Variants in SFXN5 observed in about 807,000 individuals in gnomAD.
SFXN5 encodes the protein sideroflexin-5.
Under a neutral mutation model 50.2 loss-of-function variants are expected in SFXN5, and 43 were observed. That is an observed-to-expected ratio of 0.86 (90% CI 0.67 to 1.11). The LOEUF (loss-of-function observed/expected upper bound fraction) is 1.11, where lower values mean the gene tolerates loss of function less well. SFXN5 is among the 50% of genes least tolerant of loss of function. The probability of loss-of-function intolerance (pLI) is 0.00; values close to 1 mark genes in which losing one functional copy is unlikely to be tolerated. For missense variants in SFXN5, 463 were observed against 454.1 expected (o/e 1.02, Z -0.18); for synonymous variants, 203 against 185.8 (o/e 1.09, Z -0.75).
At chr2:73,013,569 C>G (rs975661128) in intron 6 of SFXN5, among the ~76,000 whole-genome samples, 1 of 151,712 alleles carries the variant, frequency 6.6e-6, no homozygotes, top group Non-Finnish European at 1.5e-5. Context: ...CACATACACA[C>G]AATTATGGTG....
At chr2:73,067,423 G>A (rs923716430) in intron 1 of SFXN5, among the ~76,000 whole-genome samples, 21 of 152,166 alleles carry the variant, frequency 1.4e-4, no homozygotes, top group Non-Finnish European at 1.8e-4. Flanking sequence ...AGTCTGGAGT[G>A]TAGTTAACGA....
chr2:73,015,398 T>C (rs1490369753), intron 6 of SFXN5, among the ~76,000 whole-genome samples: 1 of 152,248 alleles, frequency 6.6e-6, no homozygotes, highest in Non-Finnish European at 1.5e-5. Flanking sequence ...TATTGGCTTA[T>C]ACTTTTTCTT....
At chr2:73,004,543 G>A (rs950205701) in intron 6 of SFXN5, among the ~76,000 whole-genome samples, 63 of 152,320 alleles carry the variant, frequency 4.1e-4, no homozygotes, top group African/African-American at 1.4e-3. Context: ...AACGAAGGCG[G>A]AGGTAGGAGT....
intron 2 of SFXN5, among the ~76,000 whole-genome samples, chr2:73,050,420 A>ACACACACACACACACCCACACACACC (rs1553523879): frequency 7.1e-6 from 1 of 140,676 alleles, no homozygotes; most frequent in African/African-American, 2.5e-5. Context: ...ACACACACAC[A>ACACACACACACACACCCACACACACC]CCCCTGCAGA....
intron 3 of SFXN5, among the ~76,000 whole-genome samples, chr2:73,039,699 A>G (rs1316107252): frequency 6.6e-6 from 1 of 152,210 alleles, no homozygotes; most frequent in Non-Finnish European, 1.5e-5. Context: ...CAGAACAGCA[A>G]AAAGTAGTTG....
At chr2:73,028,747 T>C (rs1677916622) in intron 3 of SFXN5, among the ~76,000 whole-genome samples, 1 of 152,166 alleles carries the variant, frequency 6.6e-6, no homozygotes, top group Admixed American at 6.5e-5. Context: ...TCAGTGAGCC[T>C]ACACATGCAT....
chr2:73,050,388 G>GCGCGCGCGCGCACACACACA, intron 2 of SFXN5, among the ~76,000 whole-genome samples: 1 of 143,808 alleles, frequency 7.0e-6, no homozygotes, highest in African/African-American at 2.8e-5. Context: ...CAGCCACAGC[G>GCGCGCGCGCGCACACACACA]CACGCACACA....
intron 11 of SFXN5, 73 bp downstream of exon 11, chr2:72,971,497 G>T: frequency 9.6e-7 from 1 of 1,042,602 alleles, no homozygotes; most frequent in Non-Finnish European, 1.5e-6. Context: ...GCCTGTGGAA[G>T]ACACACGCTA....
chr2:72,986,184 A>C (rs1056555664), intron 10 of SFXN5, among the ~76,000 whole-genome samples: 2 of 152,226 alleles, frequency 1.3e-5, no homozygotes, highest in Non-Finnish European at 2.9e-5. Flanking sequence ...AAGTTCATTA[A>C]AAGTGTGGAG....
rs1682456207 is a variant in SFXN5, at chr2:73,058,685, GGGTCCCCCGGTCCCCA to G, written c.103-105_103-90del. On this transcript the variant is annotated intron_variant, in intron 1 of 13. Transcript: ENST00000272433. ...TGGAGAGCCCCACCCTTTATGATTG[GGGTCCCCCGGTCCCCA>G]GGACTCCTCGTGTGGGTGATAAATG... is the stretch of plus-strand genomic sequence containing the variant. The G allele has an allele frequency of 3.2e-6, 4 of 1,254,068 alleles. No homozygotes were observed. In the Admixed American group the frequency reaches 7.1e-5, roughly 22 times the overall value. The allele number at this position is 1,254,068 out of a possible 1,614,324, so 77.7% of individuals were successfully genotyped here.
At chr2:73,071,375 C>T (rs750338484) in intron 1 of SFXN5, 47 of 531,462 alleles carry the variant, frequency 8.8e-5, no homozygotes, top group Middle Eastern at 4.9e-4. Flanking sequence ...CGCGGGCAGT[C>T]GGGGAGTGAC....
At chr2:72,981,869 A>AT (rs1442310156) in intron 10 of SFXN5, among the ~76,000 whole-genome samples, 24 of 152,334 alleles carry the variant, frequency 1.6e-4, no homozygotes, top group African/African-American at 5.5e-4. Context: ...TTCATATTAG[A>AT]TTCCTAAAAT....
intron 12 of SFXN5, among the ~76,000 whole-genome samples, chr2:72,965,352 A>G (rs1674261063): frequency 1.3e-5 from 2 of 152,126 alleles, no homozygotes; most frequent in African/African-American, 4.8e-5. Flanking sequence ...GCTGAGAGCT[A>G]CTTCCACTCA....
At chr2:73,047,275 T>TATATATATACAC (rs1300799277) in intron 2 of SFXN5, among the ~76,000 whole-genome samples, 3 of 51,762 alleles carry the variant, frequency 5.8e-5, no homozygotes, top group African/African-American at 1.6e-4. Flanking sequence ...TATATATATA[T>TATATATATACAC]ACACACATAT....
At chr2:73,006,502 A>G (rs1455191640) in intron 6 of SFXN5, among the ~76,000 whole-genome samples, 1 of 151,990 alleles carries the variant, frequency 6.6e-6, no homozygotes, top group Non-Finnish European at 1.5e-5. Context: ...GGTGACTATA[A>G]TCCCAGCTAC....
At chr2:72,977,708 C>T (rs1350035821) in intron 10 of SFXN5, among the ~76,000 whole-genome samples, 3 of 152,130 alleles carry the variant, frequency 2.0e-5, no homozygotes, top group Non-Finnish European at 4.4e-5. Context: ...GGTGTGGTGC[C>T]TCACTCCTGT....
intron 3 of SFXN5, among the ~76,000 whole-genome samples, chr2:73,040,317 A>G (rs1364704394): frequency 6.6e-6 from 1 of 152,122 alleles, no homozygotes; most frequent in Admixed American, 6.5e-5. Context: ...TCAACATTTC[A>G]GGTATCTCTA....
At chr2:73,041,327 C>A (rs1057282372) in intron 2 of SFXN5, among the ~76,000 whole-genome samples, 5 of 152,122 alleles carry the variant, frequency 3.3e-5, no homozygotes, top group African/African-American at 1.2e-4. Flanking sequence ...GCTGGGGTTA[C>A]CTCAGGATAG....
chr2:72,986,009 T>A (rs1003949944), intron 10 of SFXN5, among the ~76,000 whole-genome samples: 2 of 152,202 alleles, frequency 1.3e-5, no homozygotes, highest in African/African-American at 4.8e-5. Context: ...GAATCCCAGA[T>A]CCAGCCCAGT....
Sources: allele counts gnomAD v4.1 joint callset (sites outside exome capture counted in the v4.1 genomes callset), GRCh38; gene constraint gnomAD v4.1.1; transcripts MANE v1.5; gene names NCBI Gene and HGNC (gene_info 2026-07-23, HGNC 2026-07-21).